Variants in VPS54 observed in about 807,000 individuals in gnomAD.
VPS54 encodes VPS54 subunit of GARP complex.
In VPS54, 45 loss-of-function variants were observed where a neutral mutation model predicts 121.5. The ratio of observed to expected loss-of-function variants is 0.37; its 90% confidence interval spans 0.29 to 0.47. VPS54 has a LOEUF of 0.47. VPS54 is among the 20% of genes least tolerant of loss of function. The pLI, the probability that VPS54 is intolerant of heterozygous loss-of-function variation, is 0.99. For missense variants in VPS54, 1,090 were observed against 1,131.4 expected (o/e 0.96, Z 0.52); for synonymous variants, 371 against 385.8 (o/e 0.96, Z 0.45).
chr2:63,970,212 TACACACACAC>T (rs150635007), intron 4 of VPS54, among the ~76,000 whole-genome samples: 3,837 of 113,616 alleles, frequency 0.034, 178 homozygotes, highest in African/African-American at 0.098. Context: ...AATATATATA[TACACACACAC>T]ACACACACAC....
chr2:63,984,042 A>T, intron 1 of VPS54, 23 bp from the exon 2 acceptor site: 2 of 1,543,652 alleles, frequency 1.3e-6, no homozygotes, highest in Non-Finnish European at 1.8e-6. Context: ...AAGAAATACT[A>T]ATTAAGACAC....
At chr2:63,993,394 C>T (rs1234387403) in intron 1 of VPS54, among the ~76,000 whole-genome samples, 1 of 152,194 alleles carries the variant, frequency 6.6e-6, no homozygotes, top group Admixed American at 6.5e-5. Context: ...TTCAGACCAT[C>T]CAGTTATCTA....
chr2:63,983,745 C>A (rs542618731), intron 2 of VPS54, 119 bp downstream of exon 2: 52 of 1,345,670 alleles, frequency 3.9e-5, no homozygotes, highest in African/African-American at 5.9e-5. Flanking sequence ...CCCGGCCCCC[C>A]CAAATGATTT....
intron 13 of VPS54, 99 bp downstream of exon 13, chr2:63,921,107 T>C: frequency 7.8e-7 from 1 of 1,276,016 alleles, no homozygotes; most frequent in Non-Finnish European, 1.0e-6. Flanking sequence ...ATGTTAAAAA[T>C]ATAATATGCA....
chr2:63,954,309 T>C lies in VPS54; in HGVS notation c.1011-5146A>G, dbSNP rs1231254021. On this transcript the variant is annotated intron_variant, in intron 7 of 22. Coordinates refer to ENST00000272322, the MANE Select transcript of VPS54 (RefSeq NM_016516.3). The stretch of plus-strand genomic sequence containing the variant: ...TACAAATGATAATTCAATTTGAACA[T>C]TGATAAAAATTAAAAAGAAAGAACT... Among the ~76,000 whole-genome samples the C allele has an allele frequency of 3.9e-5, 6 of 152,064 alleles. No individual in the cohort carries two copies. The East Asian group carries it at 5.8e-4, about 15-fold the overall frequency.
At chr2:63,932,620 C>T (rs531125145) in intron 12 of VPS54, among the ~76,000 whole-genome samples, 1 of 150,478 alleles carries the variant, frequency 6.6e-6, no homozygotes, top group South Asian at 2.1e-4. Context: ...CAAAACTGCA[C>T]TTTCTGCACA....
At chr2:63,974,291 T>C (rs904015690) in intron 3 of VPS54, among the ~76,000 whole-genome samples, 1 of 152,254 alleles carries the variant, frequency 6.6e-6, no homozygotes, top group African/African-American at 2.4e-5. Context: ...CTGGGTTCTC[T>C]GTTCCACTGA....
At chr2:63,912,495 G>T in intron 19 of VPS54, 45 bp downstream of exon 19, 1 of 1,609,408 alleles carries the variant, frequency 6.2e-7, no homozygotes, top group Non-Finnish European at 8.5e-7. Flanking sequence ...AACAATTAAG[G>T]ATCTAAACTT....
intron 12 of VPS54, among the ~76,000 whole-genome samples, chr2:63,932,497 G>A (rs1365244335): frequency 6.6e-6 from 1 of 152,052 alleles, no homozygotes. Flanking sequence ...TCACACACCA[G>A]GGCCTGTGAA....
rs1365425276 is a variant in VPS54, at chr2:63,933,964, T to A, written c.1448A>T (p.Asn483Ile). The A allele has an allele frequency of 1.9e-6, 3 of 1,613,572 alleles. No homozygotes were observed. Among genetic ancestry groups the A allele is most frequent in the Non-Finnish European group, 2.5e-6 (3 of 1,179,714 alleles). Residue 483 changes from asparagine (N) to isoleucine (I), a missense_variant, in exon 12 of 23, where the codon AAC becomes ATC. By Grantham distance (149) the Asn-to-Ile change is moderately radical. Transcript: ENST00000272322. Reference sequence around the variant, plus strand: ...CTCTTCCAATTCTCTAGTCCTTTGGTTTTTGTCAAGAACTGAGAGAACAAC... The same window carrying A: ...CTCTTCCAATTCTCTAGTCCTTTGGATTTTGTCAAGAACTGAGAGAACAAC... ...HSVVLSVLDK[N>I]QRTRELEEIS...
chr2:63,914,137 A>T, intron 17 of VPS54, 45 bp downstream of exon 17: 1 of 1,460,524 alleles, frequency 6.8e-7, no homozygotes, highest in Non-Finnish European at 9.6e-7. Flanking sequence ...CTAATGTATT[A>T]ATTCCTCGAA....
intron 3 of VPS54, among the ~76,000 whole-genome samples, chr2:63,974,386 C>T (rs564226806): frequency 5.3e-4 from 80 of 152,162 alleles, no homozygotes; most frequent in Non-Finnish European, 3.5e-4. Context: ...TGGTATCAGT[C>T]CTCCAGCTTT....
chr2:64,017,746 G>T (rs530619212), intron 1 of VPS54, among the ~76,000 whole-genome samples: 1 of 152,128 alleles, frequency 6.6e-6, no homozygotes, highest in Non-Finnish European at 1.5e-5. Context: ...TAATTCTTAA[G>T]TTATCAGAAC....
At chr2:63,992,795 T>C (rs1286615138) in intron 1 of VPS54, among the ~76,000 whole-genome samples, 1 of 152,244 alleles carries the variant, frequency 6.6e-6, no homozygotes, top group African/African-American at 2.4e-5. Flanking sequence ...TACCTAAAAA[T>C]TGGCCTCTCA....
chr2:63,933,896 T>C lies in VPS54; in HGVS notation c.1516A>G (p.Thr506Ala). 6.2e-7 allele frequency: 1 copy of C among 1,613,840 alleles called. No individual in the cohort carries two copies. The highest frequency in any genetic ancestry group is 1.3e-5 in the African/African-American group (1 of 75,036). The change falls in exon 12 of 23, where the codon ACA (threonine) becomes GCA (alanine). Residue 506 changes from threonine to alanine, a missense_variant. This residue lies in a region of VPS54 where 801 missense variants were observed against 757.0 expected (regional missense o/e 1.06). Coordinates refer to ENST00000272322, the MANE Select transcript of VPS54 (RefSeq NM_016516.3). ...TCATGGATTAAATAAGCCACCTCTG[T>C]GTCCAGTGAATTATCTTTTGCAGCA... ...KNAAKDNSLD[T>A]EVAYLIHEGM... is the part of the protein sequence containing the mutation.
chr2:63,987,378 T>A (rs1039102819), intron 1 of VPS54, among the ~76,000 whole-genome samples: 7 of 152,206 alleles, frequency 4.6e-5, no homozygotes, highest in Non-Finnish European at 1.0e-4. Flanking sequence ...ATGGATTTAT[T>A]TCTGGGTTCT....
intron 1 of VPS54, among the ~76,000 whole-genome samples, chr2:64,010,595 A>T (rs977072006): frequency 6.6e-6 from 1 of 152,234 alleles, no homozygotes; most frequent in Non-Finnish European, 1.5e-5. Flanking sequence ...AACATTTTTG[A>T]AATGTAAAAG....
chr2:63,921,144 A>C (rs2104452283), intron 13 of VPS54, 62 bp downstream of exon 13: 1 of 1,515,480 alleles, frequency 6.6e-7, no homozygotes, highest in Non-Finnish European at 8.9e-7. Context: ...AAGCAAAGAC[A>C]TAATTCCAGA....
chr2:63,984,745 T>C (rs1676962277), intron 1 of VPS54, among the ~76,000 whole-genome samples: 1 of 152,232 alleles, frequency 6.6e-6, no homozygotes, highest in Non-Finnish European at 1.5e-5. Flanking sequence ...TATGTCTACA[T>C]TTTAAAGTAA....
Sources: gnomAD v4.1 joint callset for allele counts (sites outside exome capture counted in the v4.1 genomes callset) on GRCh38, gnomAD v4.1.1 for gene constraint, gnomAD v4.1.1 regional missense constraint, MANE v1.5 for transcripts, NCBI Gene and HGNC (gene_info 2026-07-23, HGNC 2026-07-21) for gene names.